Variants in CNOT6L observed in about 807,000 individuals in gnomAD.
The protein encoded by CNOT6L is CCR4-NOT transcription complex subunit 6-like.
A neutral mutation model predicts 64.0 loss-of-function variants in CNOT6L; 7 were observed. The observed-to-expected ratio is 0.11, with a 90% CI of 0.06 to 0.21. The LOEUF is 0.21. CNOT6L is among the 10% of genes least tolerant of loss of function. The pLI is 1.00. For synonymous variants in CNOT6L, 193 were observed against 243.4 expected, an observed-to-expected ratio of 0.79 and a Z score of 1.93; for missense variants, 245 against 669.0, an observed-to-expected ratio of 0.37 and a Z score of 6.99.
At chr4:77,806,835 C>T (rs188037431) in intron 1 of CNOT6L, among the ~76,000 whole-genome samples, 2 of 152,312 alleles carry the variant, frequency 1.3e-5, no homozygotes, top group East Asian at 3.9e-4. Flanking sequence ...CTCACCACCA[C>T]CCCTGAACCT....
chr4:77,812,920 A>G (rs573383228), intron 1 of CNOT6L, among the ~76,000 whole-genome samples: 1 of 152,284 alleles, frequency 6.6e-6, no homozygotes, highest in South Asian at 2.1e-4. Flanking sequence ...AAAAGGAAAA[A>G]CTTTGAGAGG....
intron 9 of CNOT6L, 133 bp downstream of exon 9, chr4:77,731,254 C>A: frequency 1.4e-6 from 1 of 723,450 alleles, no homozygotes; most frequent in Non-Finnish European, 2.3e-6. Context: ...ATTTTCCTGC[C>A]CATCTCCCTT....
intron 1 of CNOT6L, among the ~76,000 whole-genome samples, chr4:77,781,155 G>T (rs1268653394): frequency 6.6e-6 from 1 of 151,996 alleles, no homozygotes; most frequent in Non-Finnish European, 1.5e-5. Flanking sequence ...ACAGGGAGGG[G>T]AATATCACAC....
At position 77,720,635 on chromosome 4, in the gene CNOT6L, A is replaced by G. The variant is rs753377793; in HGVS notation, c.1464T>C (p.Ile488=). Residue 488 remains isoleucine, a synonymous_variant, in exon 12 of 12, where the codon ATT becomes ATC. Coordinates refer to ENST00000504123, the MANE Select transcript of CNOT6L (RefSeq NM_144571.3). ...GAGTCTTGGAATAGAAAATGTAGTC[A>G]ATCACGCCCTGGAAAGAGATTGGGA... The part of the protein sequence containing the change: ...TNYTFDFKGV[I]DYIFYSKTHM... 6.2e-6 allele frequency: 10 copies of G among 1,613,222 alleles called. No individual in the cohort carries two copies. The East Asian group carries it at 2.2e-4, about 36-fold the overall frequency.
chr4:77,714,438 TAAAAAAA>T lies in CNOT6L; in HGVS notation c.*5986_*5992del, dbSNP rs201499481. On this transcript the variant is annotated 3_prime_UTR_variant, in exon 12 of 12. Coordinates refer to ENST00000504123, the MANE Select transcript of CNOT6L (RefSeq NM_144571.3). ...AGAAAAAGTACATACACACTCTCTT[TAAAAAAA>T]AAAAAAAAAAAAAAAAAAAAAAAAA... is the stretch of plus-strand genomic sequence containing the variant. 20 of 134,648 alleles carry T rather than the reference TAAAAAAA, an allele frequency of 1.5e-4. No individual in the cohort carries two copies. The highest frequency in any genetic ancestry group is 4.4e-4 in the African/African-American group (15 of 33,730). The allele number at this position is 134,648 out of a possible 1,614,324, so 8.3% of individuals were successfully genotyped here.
At chr4:77,779,069 A>AAC (rs1728529205) in intron 1 of CNOT6L, among the ~76,000 whole-genome samples, 2 of 106,144 alleles carry the variant, frequency 1.9e-5, no homozygotes, top group African/African-American at 3.3e-5. Flanking sequence ...AAAACAAAAA[A>AAC]AAAACACAAA....
chr4:77,714,874 G>A lies in CNOT6L; in HGVS notation c.*5557C>T, dbSNP rs1720579159. The stretch of plus-strand genomic sequence containing the variant: ...CTGCATCACTTACTGCATCAAGATT[G>A]AAACAAGCAGCAGGATACTAAGTCT... On this transcript the variant is annotated 3_prime_UTR_variant, in exon 12 of 12. Coordinates refer to ENST00000504123, the MANE Select transcript of CNOT6L (RefSeq NM_144571.3). The A allele has an allele frequency of 6.6e-6, 1 of 152,550 alleles. No individual in the cohort carries two copies. Among genetic ancestry groups the A allele is most frequent in the African/African-American group, 2.4e-5 (1 of 41,428 alleles). 9.4% of individuals were successfully genotyped at this position (152,550 alleles called of 1,614,324 possible). A position where few individuals can be genotyped will look rare whatever the true frequency, so the allele number is the denominator to read the frequency against.
chr4:77,805,096 T>C (rs563026696), intron 1 of CNOT6L, among the ~76,000 whole-genome samples: 111 of 152,286 alleles, frequency 7.3e-4, no homozygotes, highest in Non-Finnish European at 1.3e-3. Flanking sequence ...GACCTGAGTA[T>C]GTATGCATGG....
chr4:77,716,742 G>A lies in CNOT6L; in HGVS notation c.*3689C>T, dbSNP rs939312598. ...ATAACTTTAAGACACCAAAAAAATA[G>A]GGGCAAATAAGAAACAGCTTTTATA... On this transcript the variant is annotated 3_prime_UTR_variant, in exon 12 of 12. Transcript: ENST00000504123. 1 of 152,416 alleles carries A rather than the reference G, an allele frequency of 6.6e-6. No individual in the cohort carries two copies. Among genetic ancestry groups the A allele is most frequent in the South Asian group, 2.1e-4 (1 of 4,824 alleles). The allele number at this position is 152,416 out of a possible 1,614,324, so 9.4% of individuals were successfully genotyped here. A position where few individuals can be genotyped will look rare whatever the true frequency, so the allele number is the denominator to read the frequency against.
intron 5 of CNOT6L, among the ~76,000 whole-genome samples, chr4:77,750,258 G>A (rs1365862046): frequency 1.3e-5 from 2 of 152,114 alleles, no homozygotes; most frequent in African/African-American, 2.4e-5. Flanking sequence ...AAGGGACTGT[G>A]ATTAAAAGTA....
At chr4:77,777,806 G>GA (rs1313451656) in intron 1 of CNOT6L, among the ~76,000 whole-genome samples, 1 of 151,882 alleles carries the variant, frequency 6.6e-6, no homozygotes, top group Non-Finnish European at 1.5e-5. Context: ...AGAGATTAAA[G>GA]AAAAAAGAGA....
chr4:77,774,089 A>G (rs1251440241), intron 3 of CNOT6L, among the ~76,000 whole-genome samples: 6 of 152,222 alleles, frequency 3.9e-5, no homozygotes, highest in Non-Finnish European at 7.3e-5. Flanking sequence ...GGGAATTTTT[A>G]AAGAATCCCT....
At chr4:77,753,933 C>G (rs1236604659) in intron 5 of CNOT6L, among the ~76,000 whole-genome samples, 2 of 147,980 alleles carry the variant, frequency 1.4e-5, no homozygotes, top group Non-Finnish European at 3.0e-5. Context: ...GCCTAGCAAA[C>G]CAGGAATAGA....
intron 1 of CNOT6L, among the ~76,000 whole-genome samples, chr4:77,780,975 A>T (rs890878843): frequency 6.6e-6 from 1 of 152,164 alleles, no homozygotes; most frequent in East Asian, 1.9e-4. Context: ...CCCTGCCTCT[A>T]AAAAACATAA....
intron 1 of CNOT6L, among the ~76,000 whole-genome samples, chr4:77,789,558 G>C (rs374669377): frequency 6.7e-6 from 1 of 149,746 alleles, no homozygotes; most frequent in East Asian, 2.0e-4. Flanking sequence ...CTGTAGTCCC[G>C]GCTACTCAGG....
intron 6 of CNOT6L, 35 bp from the exon 7 acceptor site, chr4:77,744,910 G>A (rs1476928429): frequency 3.8e-6 from 6 of 1,565,512 alleles, no homozygotes; most frequent in Non-Finnish European, 5.2e-6. Flanking sequence ...AGACAAACGG[G>A]AGAAAATTAG....
Position 77,717,601 on chromosome 4 carries a change from A to G in CNOT6L, c.*2830T>C. 6.6e-6 allele frequency: 1 copy of G among 152,406 alleles called. No homozygotes were observed. The highest frequency in any genetic ancestry group is 1.5e-5 in the Non-Finnish European group (1 of 68,022). The allele number at this position is 152,406 out of a possible 1,614,324, so 9.4% of individuals were successfully genotyped here. ...TATTTTACTTTCATTGAATATATATATATATATGTCATTCACCTCTTCCTT... is the reference window on the plus strand; with the variant it reads ...TATTTTACTTTCATTGAATATATATGTATATATGTCATTCACCTCTTCCTT... On this transcript the variant is annotated 3_prime_UTR_variant, in exon 12 of 12. Coordinates refer to ENST00000504123, the MANE Select transcript of CNOT6L (RefSeq NM_144571.3).
In CNOT6L at chr4:77,756,887, C is replaced by G. The variant is rs747295245; in HGVS notation, c.465G>C (p.Leu155=). ...YQDPDGTRKL[L]NFMLDNLAVH... ...CTGCGAGATTGTCAAGCATGAAGTTCAGTAGCTTTCGGGTTCCATCTGGGT... is the reference window on the plus strand; with the variant it reads ...CTGCGAGATTGTCAAGCATGAAGTTGAGTAGCTTTCGGGTTCCATCTGGGT... The change falls in exon 5 of 12, where the codon CTG becomes CTC. Residue 155 remains leucine (L), a synonymous_variant. Transcript: ENST00000504123. The G allele has an allele frequency of 6.2e-7, 1 of 1,609,464 alleles. No individual in the cohort carries two copies. Among genetic ancestry groups the G allele is most frequent in the Non-Finnish European group, 8.5e-7 (1 of 1,177,184 alleles).
At chr4:77,759,551 C>A (rs575738624) in intron 4 of CNOT6L, among the ~76,000 whole-genome samples, 1 of 149,380 alleles carries the variant, frequency 6.7e-6, no homozygotes, top group African/African-American at 2.5e-5. Flanking sequence ...GGCGACACAG[C>A]GTGACTCCGT....
Sources: allele counts gnomAD v4.1 joint callset (sites outside exome capture counted in the v4.1 genomes callset), GRCh38; gene constraint gnomAD v4.1.1; transcripts MANE v1.5; gene names NCBI Gene and HGNC (gene_info 2026-07-23, HGNC 2026-07-21).